The following APBB2 variants were observed in gnomAD, a reference collection of about 807,000 sequenced individuals.
APBB2 encodes the protein amyloid beta precursor protein binding family B member 2.
A neutral mutation model predicts 82.5 loss-of-function variants in APBB2; 38 were observed. The ratio of observed to expected loss-of-function variants is 0.46; its 90% CI spans 0.36 to 0.60. APBB2 has a LOEUF of 0.60. Ranked by LOEUF, APBB2 falls within the 20% of genes least tolerant of loss-of-function variation. The pLI, the probability that APBB2 is intolerant of heterozygous loss-of-function variation, is 0.00. For missense variants in APBB2, 772 were observed against 972.3 expected, an observed-to-expected ratio of 0.79 and a Z score of 2.74; for synonymous variants, 341 against 368.2, an observed-to-expected ratio of 0.93 and a Z score of 0.85.
intron 1 of APBB2, among the ~76,000 whole-genome samples, chr4:41,150,927 C>T (rs974586431): frequency 2.6e-5 from 4 of 152,072 alleles, no homozygotes; most frequent in East Asian, 1.9e-4. Flanking sequence ...TTTGGAGGGA[C>T]GCAGTTTCAC....
intron 3 of APBB2, among the ~76,000 whole-genome samples, chr4:41,099,314 C>T (rs764615822): frequency 1.3e-5 from 2 of 151,976 alleles, no homozygotes; most frequent in Non-Finnish European, 2.9e-5. Context: ...CTGCAACCTC[C>T]GCCTCCCAGG....
At chr4:41,148,185 T>C (rs1401126225) in intron 1 of APBB2, among the ~76,000 whole-genome samples, 5 of 152,206 alleles carry the variant, frequency 3.3e-5, no homozygotes, top group African/African-American at 1.2e-4. Context: ...TTAGGGCAGT[T>C]TGGAAAAGGG....
chr4:40,926,784 A>T (rs1397144852), intron 10 of APBB2, among the ~76,000 whole-genome samples: 1 of 152,256 alleles, frequency 6.6e-6, no homozygotes, highest in Non-Finnish European at 1.5e-5. Context: ...CTTTGGAATC[A>T]AATGCATCTG....
rs1787973993 is a variant in APBB2 at position 40,944,957 on chromosome 4, A to G, written c.952T>C (p.Trp318Arg). 1 of 1,613,820 alleles carries G rather than the reference A, an allele frequency of 6.2e-7. No homozygotes were observed. Among genetic ancestry groups the G allele is most frequent in the South Asian group, 1.1e-5 (1 of 91,066 alleles). Residue 318 changes from tryptophan (W) to arginine (R), a missense_variant, in exon 7 of 18, where the codon TGG becomes CGG. Coordinates refer to ENST00000508593, the MANE Select transcript of APBB2 (RefSeq NM_004307.2). Reference sequence around the variant, plus strand: ...GCTGGGATGGAGACGGGCCGTTCCCACTGAGTCGTTCCTGTTGGGATGTGC... The same window carrying G: ...GCTGGGATGGAGACGGGCCGTTCCCGCTGAGTCGTTCCTGTTGGGATGTGC... The part of the protein sequence containing the change: ...YWHIPTGTTQ[W>R]ERPVSIPADL...
chr4:41,033,986 T>A (rs1022825165), intron 4 of APBB2, among the ~76,000 whole-genome samples: 3 of 152,214 alleles, frequency 2.0e-5, no homozygotes, highest in Admixed American at 6.5e-5. Flanking sequence ...ATAAGCCAGA[T>A]AATACCACAA....
chr4:40,938,725 TAG>T (rs1453226909), intron 7 of APBB2, among the ~76,000 whole-genome samples: 1 of 151,922 alleles, frequency 6.6e-6, no homozygotes, highest in Admixed American at 6.6e-5. Context: ...GAGAACTGGG[TAG>T]AGAGGAAAAG....
intron 6 of APBB2, among the ~76,000 whole-genome samples, chr4:40,953,305 A>G (rs1337012423): frequency 6.6e-6 from 1 of 151,454 alleles, no homozygotes; most frequent in Non-Finnish European, 1.5e-5. Flanking sequence ...TCAAAAAAAA[A>G]AAAAAAAAGG....
intron 6 of APBB2, among the ~76,000 whole-genome samples, chr4:40,949,225 T>C (rs890734499): frequency 6.6e-6 from 1 of 151,266 alleles, no homozygotes; most frequent in Admixed American, 6.6e-5. Context: ...GCTGAGATCG[T>C]GCCATTGCAC....
At chr4:41,117,523 C>G (rs1370091977) in intron 2 of APBB2, among the ~76,000 whole-genome samples, 2 of 152,058 alleles carry the variant, frequency 1.3e-5, no homozygotes, top group Non-Finnish European at 2.9e-5. Context: ...CAACTCCTGA[C>G]CTTGTGATCC....
intron 4 of APBB2, among the ~76,000 whole-genome samples, chr4:41,059,141 A>C (rs1728853468): frequency 6.6e-6 from 1 of 152,078 alleles, no homozygotes; most frequent in African/African-American, 2.4e-5. Flanking sequence ...AACACCCATG[A>C]AGCATCAGGT....
chr4:40,949,824 G>A (rs966887925), intron 6 of APBB2, among the ~76,000 whole-genome samples: 1 of 152,172 alleles, frequency 6.6e-6, no homozygotes, highest in Non-Finnish European at 1.5e-5. Flanking sequence ...ACCCCCTTTT[G>A]ACGGATCTGC....
At chr4:40,976,953 G>A (rs914938597) in intron 6 of APBB2, among the ~76,000 whole-genome samples, 1 of 152,184 alleles carries the variant, frequency 6.6e-6, no homozygotes, top group Admixed American at 6.5e-5. Flanking sequence ...GGAGGCTGAG[G>A]TGGGAGGATC....
intron 4 of APBB2, among the ~76,000 whole-genome samples, chr4:41,064,959 GGAAAGC>G (rs1348699216): frequency 1.4e-4 from 21 of 152,226 alleles, no homozygotes; most frequent in South Asian, 8.3e-4. Flanking sequence ...TGATGAAAAA[GGAAAGC>G]TTAAAAAAAT....
chr4:40,968,626 G>A (rs1355447073), intron 6 of APBB2, among the ~76,000 whole-genome samples: 1 of 151,994 alleles, frequency 6.6e-6, no homozygotes, highest in Non-Finnish European at 1.5e-5. Flanking sequence ...TATCCAAATG[G>A]ACACTCACTG....
At chr4:41,133,165 T>C (rs926700476) in intron 2 of APBB2, among the ~76,000 whole-genome samples, 4 of 152,226 alleles carry the variant, frequency 2.6e-5, no homozygotes, top group African/African-American at 9.6e-5. Flanking sequence ...TATATATATC[T>C]TATAAATCTT....
chr4:41,097,758 T>C (rs1744032063), intron 3 of APBB2, among the ~76,000 whole-genome samples: 1 of 152,170 alleles, frequency 6.6e-6, no homozygotes, highest in African/African-American at 2.4e-5. Flanking sequence ...AACAATCAAT[T>C]TTCTGAATTG....
intron 4 of APBB2, among the ~76,000 whole-genome samples, chr4:41,037,430 C>T (rs1369775867): frequency 1.3e-5 from 2 of 152,048 alleles, no homozygotes; most frequent in East Asian, 1.9e-4. Context: ...GAATACATAG[C>T]GTATATTAAA....
At chr4:41,149,674 G>A (rs780968721) in intron 1 of APBB2, among the ~76,000 whole-genome samples, 2 of 152,150 alleles carry the variant, frequency 1.3e-5, no homozygotes, top group Non-Finnish European at 2.9e-5. Flanking sequence ...GGGGTAATAC[G>A]ATTTGACTGT....
intron 10 of APBB2, among the ~76,000 whole-genome samples, chr4:40,930,078 TG>T (rs1394472105): frequency 1.3e-5 from 2 of 152,196 alleles, no homozygotes; most frequent in Non-Finnish European, 2.9e-5. Context: ...GGCTGGGTCC[TG>T]GAACAGATTA....
Sources: gnomAD v4.1 joint callset for allele counts (sites outside exome capture counted in the v4.1 genomes callset) on GRCh38, gnomAD v4.1.1 for gene constraint, MANE v1.5 for transcripts, NCBI Gene and HGNC (gene_info 2026-07-23, HGNC 2026-07-21) for gene names.